The following KNL1 variants were observed in gnomAD, a reference collection of about 807,000 sequenced individuals.
KNL1 encodes outer kinetochore KNL1 complex subunit KNL1.
A neutral mutation model predicts 201.3 loss-of-function variants in KNL1; 66 were observed. That is an observed-to-expected ratio of 0.33 (90% CI 0.27 to 0.40). The LOEUF (loss-of-function observed/expected upper bound fraction) is 0.40, where lower values mean the gene tolerates loss of function less well. Ranked by LOEUF, KNL1 falls within the 10% of genes least tolerant of loss-of-function variation. The pLI, the probability that KNL1 is intolerant of heterozygous loss-of-function variation, is 1.00. For missense variants in KNL1, 2,815 were observed against 2,690.5 expected, an observed-to-expected ratio of 1.05 and a Z score of -1.02; for synonymous variants, 895 against 899.2, an observed-to-expected ratio of 1.00 and a Z score of 0.08.
intron 13 of KNL1, among the ~76,000 whole-genome samples, chr15:40,640,221 G>A (rs765445043): frequency 2.0e-5 from 3 of 150,562 alleles, no homozygotes; most frequent in Admixed American, 6.7e-5. Context: ...TTCAGCTTCT[G>A]GAGTAGCTGG....
chr15:40,624,033 A>G lies in KNL1; in HGVS notation c.3769A>G (p.Ile1257Val). The G allele has an allele frequency of 3.7e-6, 6 of 1,614,052 alleles. No homozygotes were observed. Among genetic ancestry groups the G allele is most frequent in the Non-Finnish European group, 5.1e-6 (6 of 1,179,946 alleles). Residue 1257 changes from isoleucine (I) to valine (V), a missense_variant, in exon 10 of 26, where the codon ATA becomes GTA. Around this residue, in one of 3 missense-constraint regions of KNL1, gnomAD observed 2,464 missense variants for 2,291.7 expected, o/e 1.08. Transcript: ENST00000399668. ...FHSAAMDEKV[I>V]GKVVDQACTL... ...TAGTGCTGCTATGGATGAAAAGGTC[A>G]TAGGGAAAGTTGTAGACCAGGCCTG... is the stretch of plus-strand genomic sequence containing the variant.
intron 1 of KNL1, among the ~76,000 whole-genome samples, chr15:40,601,164 C>CA (rs1891779507): frequency 6.6e-6 from 1 of 152,174 alleles, no homozygotes; most frequent in Non-Finnish European, 1.5e-5. Context: ...ATTTGATTCT[C>CA]ACGGGAGCAC....
At chr15:40,599,584 G>C (rs114217803) in intron 1 of KNL1, among the ~76,000 whole-genome samples, 2,071 of 151,560 alleles carry the variant, frequency 0.014, 47 homozygotes, top group African/African-American at 0.047. Flanking sequence ...GGGTTTTGCC[G>C]TGTTGTCCAG....
chr15:40,620,292 G>A (rs1465559992), intron 9 of KNL1, among the ~76,000 whole-genome samples: 3 of 150,910 alleles, frequency 2.0e-5, no homozygotes, highest in Admixed American at 6.6e-5. Flanking sequence ...TGCAAGCTCC[G>A]CCTCCCAGGT....
chr15:40,618,662 A>C (rs535225044), intron 8 of KNL1, among the ~76,000 whole-genome samples: 1 of 152,288 alleles, frequency 6.6e-6, no homozygotes, highest in Non-Finnish European at 1.5e-5. Context: ...GTCTTATGAA[A>C]TTTTATATGT....
In KNL1 at chr15:40,602,937, TG is replaced by T; in HGVS notation, c.10del (p.Val4CysfsTer12). On this transcript the variant is annotated frameshift_variant, in exon 2 of 26. Coordinates refer to ENST00000399668, the MANE Select transcript of KNL1 (RefSeq NM_144508.5). LOFTEE classifies it high-confidence loss of function. MDGVSSEANEEND... is the reference protein window; with the variant it reads MDXVSSEANEEND... Reference sequence around the variant, plus strand: ...CAGAAAAGTTTTCTTCAAAAATGGATGGGGTGTCTTCAGAGGCTAATGAAGA... The same window carrying T: ...CAGAAAAGTTTTCTTCAAAAATGGATGGGTGTCTTCAGAGGCTAATGAAGA... 1 of 1,592,112 alleles carries T rather than the reference TG, an allele frequency of 6.3e-7. No individual in the cohort carries two copies. The highest frequency in any genetic ancestry group is 8.6e-7 in the Non-Finnish European group (1 of 1,162,954).
intron 14 of KNL1, among the ~76,000 whole-genome samples, chr15:40,641,833 T>C (rs1279435664): frequency 6.6e-5 from 10 of 152,242 alleles, no homozygotes; most frequent in Non-Finnish European, 2.9e-5. Context: ...CATTTACGCT[T>C]GTTTACATAT....
At chr15:40,602,794 C>T (rs903816168) in intron 1 of KNL1, 121 bp from the exon 2 acceptor site, 39 of 563,788 alleles carry the variant, frequency 6.9e-5, no homozygotes, top group African/African-American at 6.6e-4. Context: ...CTTTCCTTCC[C>T]ATCTTTGGTC....
At chr15:40,602,382 C>G (rs1026706149) in intron 1 of KNL1, among the ~76,000 whole-genome samples, 38 of 149,710 alleles carry the variant, frequency 2.5e-4, no homozygotes, top group African/African-American at 9.1e-4. Context: ...GTGATCCACC[C>G]GCCTCGGCCT....
At position 40,624,991 on chromosome 15, in the gene KNL1, C is replaced by G. The variant is rs1267833191; in HGVS notation, c.4727C>G (p.Thr1576Ser). Residue 1576 changes from threonine (T) to serine (S), a missense_variant, in exon 10 of 26, where the codon ACT becomes AGT. This residue lies in a region of KNL1 where 2,464 missense variants were observed against 2,291.7 expected (regional missense o/e 1.08). Coordinates refer to ENST00000399668, the MANE Select transcript of KNL1 (RefSeq NM_144508.5). Reference protein sequence around the residue: ...GKTGEFLAFQTVHLPPLPEQL... With the variant: ...GKTGEFLAFQSVHLPPLPEQL... Reference sequence around the variant, plus strand: ...ACTGGAGAGTTTTTAGCCTTTCAAACTGTTCATCTACCACCCCTTCCAGAG... The same window carrying G: ...ACTGGAGAGTTTTTAGCCTTTCAAAGTGTTCATCTACCACCCCTTCCAGAG... 1.9e-6 allele frequency: 3 copies of G among 1,614,008 alleles called. No homozygotes were observed. Among genetic ancestry groups the G allele is most frequent in the Non-Finnish European group, 2.5e-6 (3 of 1,179,962 alleles).
rs1300597644 is a variant in KNL1 at position 40,624,451 on chromosome 15, G to A, written c.4187G>A (p.Arg1396Gln). 5.6e-6 allele frequency: 9 copies of A among 1,613,676 alleles called. No homozygotes were observed. The highest frequency in any genetic ancestry group is 4.4e-5 in the South Asian group (4 of 91,072). The change falls in exon 10 of 26, where the codon CGA becomes CAA. Residue 1396 changes from arginine to glutamine, a missense_variant. Physicochemically the swap from Arg to Gln is conservative, Grantham distance 43 (BLOSUM62 1). Coordinates refer to ENST00000399668, the MANE Select transcript of KNL1 (RefSeq NM_144508.5). ...HKDQDLIKDP[R>Q]NLLANQTLVY... ...GATCAAGATCTGATTAAGGATCCAC[G>A]AAATCTATTGGCTAATCAAACTTTA...
chr15:40,625,543 A>C lies in KNL1; in HGVS notation c.5279A>C (p.Gln1760Pro), dbSNP rs751080305. The change falls in exon 10 of 26, where the codon CAA becomes CCA. Residue 1760 changes from glutamine to proline, a missense_variant. Coordinates refer to ENST00000399668, the MANE Select transcript of KNL1 (RefSeq NM_144508.5). ...AAAATGGGAAAAACTTGCAATAGCC[A>C]AAAAAGAACGTGGGTACAAGAAGAA... is the stretch of plus-strand genomic sequence containing the variant. Reference protein sequence around the residue: ...ENKMGKTCNSQKRTWVQEEED... With the variant: ...ENKMGKTCNSPKRTWVQEEED... 1.2e-6 allele frequency: 2 copies of C among 1,607,994 alleles called. No individual in the cohort carries two copies. Among genetic ancestry groups the C allele is most frequent in the Middle Eastern group, 1.7e-4 (1 of 6,020 alleles).
chr15:40,653,165 T>C (rs1449352066), intron 21 of KNL1, among the ~76,000 whole-genome samples: 1 of 152,024 alleles, frequency 6.6e-6, no homozygotes, highest in Admixed American at 6.6e-5. Context: ...CAGTAAGACA[T>C]GCTTTTTGTT....
At chr15:40,618,699 G>A (rs1030107413) in intron 8 of KNL1, among the ~76,000 whole-genome samples, 7 of 152,076 alleles carry the variant, frequency 4.6e-5, no homozygotes, top group Non-Finnish European at 1.0e-4. Flanking sequence ...AAATGTTTGA[G>A]GTGGTGGATA....
intron 14 of KNL1, among the ~76,000 whole-genome samples, 182 bp downstream of exon 14, chr15:40,641,209 C>G (rs1893219499): frequency 6.6e-6 from 1 of 152,150 alleles, no homozygotes; most frequent in Non-Finnish European, 1.5e-5. Context: ...GTCTTGGCTT[C>G]AACACTAGCT....
chr15:40,610,439 T>A (rs781659976), intron 6 of KNL1, 142 bp downstream of exon 6: 10 of 602,780 alleles, frequency 1.7e-5, no homozygotes, highest in Non-Finnish European at 3.0e-5. Flanking sequence ...GGTTCACACC[T>A]GTGATCCCGA....
chr15:40,624,720 T>C lies in KNL1; in HGVS notation c.4456T>C (p.Cys1486Arg). 2 of 1,613,514 alleles carry C rather than the reference T, an allele frequency of 1.2e-6. No homozygotes were observed. Among genetic ancestry groups the C allele is most frequent in the South Asian group, 1.1e-5 (1 of 91,024 alleles). ...TATAGAAAATTCCTCTGCACCCATA[T>C]GTGAAAACAAGCCCAAAATACTCAA... Reference protein sequence around the residue: ...NIIENSSAPICENKPKILNSE... With the variant: ...NIIENSSAPIRENKPKILNSE... The change falls in exon 10 of 26, where the codon TGT (cysteine) becomes CGT (arginine). Residue 1486 changes from cysteine to arginine, a missense_variant. Cys to Arg is a radical substitution (Grantham distance 180). Around this residue, in one of 3 missense-constraint regions of KNL1, gnomAD observed 2,464 missense variants for 2,291.7 expected, o/e 1.08. Coordinates refer to ENST00000399668, the MANE Select transcript of KNL1 (RefSeq NM_144508.5).
chr15:40,629,036 A>G (rs963399508), intron 12 of KNL1, among the ~76,000 whole-genome samples: 1 of 152,184 alleles, frequency 6.6e-6, no homozygotes, highest in African/African-American at 2.4e-5. Flanking sequence ...TTGTCTCAAA[A>G]AAAGAGAAAA....
chr15:40,640,508 C>T (rs1200615868), intron 13 of KNL1, among the ~76,000 whole-genome samples: 1 of 151,712 alleles, frequency 6.6e-6, no homozygotes, highest in East Asian at 1.9e-4. Context: ...GAGGATGTGC[C>T]AGAAAAGTTT....
Sources: gnomAD v4.1 joint callset for allele counts (sites outside exome capture counted in the v4.1 genomes callset) on GRCh38, gnomAD v4.1.1 for gene constraint, gnomAD v4.1.1 regional missense constraint, MANE v1.5 for transcripts, NCBI Gene and HGNC (gene_info 2026-07-23, HGNC 2026-07-21) for gene names.